The following MYO7B variants were observed in gnomAD, a reference collection of about 807,000 sequenced individuals.
The protein encoded by MYO7B is unconventional myosin-VIIb.
In MYO7B, 212 loss-of-function variants were observed where a neutral mutation model predicts 259.7. That is an observed-to-expected ratio of 0.82 (90% confidence interval 0.73 to 0.91). The LOEUF (loss-of-function observed/expected upper bound fraction) is 0.91. Ranked by LOEUF, MYO7B falls within the 40% of genes least tolerant of loss-of-function variation. The pLI is 0.00. For missense variants in MYO7B, 2,732 were observed against 2,813.5 expected, an observed-to-expected ratio of 0.97 and a Z score of 0.66; for synonymous variants, 1,197 against 1,166.4, an observed-to-expected ratio of 1.03 and a Z score of -0.54.
intron 1 of MYO7B, among the ~76,000 whole-genome samples, chr2:127,547,553 A>T (rs1202868316): frequency 6.6e-6 from 1 of 152,248 alleles, no homozygotes; most frequent in Non-Finnish European, 1.5e-5. Flanking sequence ...TAGGCAGGCT[A>T]TGATGCTGAA....
chr2:127,598,349 C>T (rs368181840), intron 19 of MYO7B, among the ~76,000 whole-genome samples: 123 of 152,322 alleles, frequency 8.1e-4, no homozygotes, highest in Middle Eastern at 3.4e-3. Flanking sequence ...TACCATTTCC[C>T]GATGTGGAAC....
intron 39 of MYO7B, 88 bp downstream of exon 39, chr2:127,632,489 A>C: frequency 2.8e-6 from 4 of 1,446,470 alleles, no homozygotes; most frequent in Non-Finnish European, 2.8e-6. Context: ...CCAGGAGCTC[A>C]TGGTCCTGGG....
intron 19 of MYO7B, among the ~76,000 whole-genome samples, chr2:127,603,930 G>A (rs1371989282): frequency 1.3e-5 from 2 of 152,080 alleles, no homozygotes; most frequent in Non-Finnish European, 2.9e-5. Flanking sequence ...TCAGCAGTTC[G>A]AGACCAGCCT....
At chr2:127,563,703 G>T (rs889743382) in intron 2 of MYO7B, among the ~76,000 whole-genome samples, 7 of 152,144 alleles carry the variant, frequency 4.6e-5, no homozygotes, top group African/African-American at 1.7e-4. Flanking sequence ...CACCTTTTCA[G>T]CTTCCTCCTG....
intron 40 of MYO7B, 25 bp downstream of exon 40, chr2:127,633,388 G>A (rs376432959): frequency 4.1e-5 from 66 of 1,607,270 alleles, no homozygotes; most frequent in Admixed American, 6.7e-5. Context: ...TGGTCTGCAC[G>A]GCAAGTCTCA....
intron 12 of MYO7B, 112 bp downstream of exon 12, chr2:127,582,558 G>A (rs1199210447): frequency 1.1e-5 from 14 of 1,294,398 alleles, no homozygotes; most frequent in South Asian, 5.7e-5. Flanking sequence ...CAGGCCTGGC[G>A]AGTCCCACCA....
intron 30 of MYO7B, among the ~76,000 whole-genome samples, chr2:127,625,016 C>T (rs1313496918): frequency 6.6e-6 from 1 of 152,190 alleles, no homozygotes; most frequent in African/African-American, 2.4e-5. Flanking sequence ...AGCTGGGCCC[C>T]AGCAGAAACT....
intron 1 of MYO7B, among the ~76,000 whole-genome samples, chr2:127,542,890 C>G (rs1412260721): frequency 6.6e-6 from 1 of 152,190 alleles, no homozygotes; most frequent in African/African-American, 2.4e-5. Context: ...AGGTGCTGTG[C>G]TTTAATGTGC....
intron 19 of MYO7B, among the ~76,000 whole-genome samples, chr2:127,599,087 A>G (rs1291995805): frequency 6.6e-6 from 1 of 152,230 alleles, no homozygotes; most frequent in Admixed American, 6.5e-5. Flanking sequence ...AATTTTGTCT[A>G]TATCTACAAA....
Position 127,629,798 on chromosome 2 carries a change from C to A in MYO7B, c.4778C>A (p.Thr1593Lys), listed in dbSNP as rs201869717. The A allele has an allele frequency of 1.6e-5, 25 of 1,584,844 alleles. No homozygotes were observed. The African/African-American group carries it at 3.0e-4, about 19-fold the overall frequency. The change falls in exon 35 of 48, where the codon ACG (threonine) becomes AAG (lysine). Residue 1593 changes from threonine to lysine, a missense_variant. Thr to Lys is a moderately conservative substitution (Grantham distance 78). Transcript: ENST00000409816. The stretch of plus-strand genomic sequence containing the variant: ...ATGGCCTGCCTCTACACCATCCCCA[C>A]GGTCACTAAGCCCTCGGCACAGCTG... ...VPMACLYTIPTVTKPSAQLLS... is the reference protein window; with the variant it reads ...VPMACLYTIPKVTKPSAQLLS...
At chr2:127,574,576 C>T (rs1678787389) in intron 7 of MYO7B, among the ~76,000 whole-genome samples, 1 of 152,212 alleles carries the variant, frequency 6.6e-6, no homozygotes, top group African/African-American at 2.4e-5. Context: ...TTTCCATTCA[C>T]ATACATTTCT....
At chr2:127,547,236 T>C (rs1693268204) in intron 1 of MYO7B, among the ~76,000 whole-genome samples, 3 of 152,350 alleles carry the variant, frequency 2.0e-5, no homozygotes, top group Admixed American at 6.5e-5. Flanking sequence ...CTGACTAGTA[T>C]GAGTAAGTCA....
Position 127,576,665 on chromosome 2 carries a change from T to G in MYO7B, c.806T>G (p.Leu269Arg), listed in dbSNP as rs376494403. ...LMGVSAEDKQ[L>R]LSLGTPSEYH... Reference sequence around the variant, plus strand: ...GGGGTGAGTGCTGAGGACAAGCAGCTGCTGAGCCTGGGCACGCCCTCCGAG... The same window carrying G: ...GGGGTGAGTGCTGAGGACAAGCAGCGGCTGAGCCTGGGCACGCCCTCCGAG... Residue 269 changes from leucine (L) to arginine (R), a missense_variant, in exon 8 of 48, where the codon CTG (leucine) becomes CGG (arginine). Leu to Arg is a moderately radical substitution (Grantham distance 102). Around this residue, in one of 3 missense-constraint regions of MYO7B, gnomAD observed 1,906 missense variants for 2,026.4 expected, o/e 0.94. Transcript: ENST00000409816. The surrounding 1 kb of genome is among the most constrained non-coding windows in gnomAD (Gnocchi z 4.9). 27 of 1,612,274 alleles carry G rather than the reference T, an allele frequency of 1.7e-5. No individual in the cohort carries two copies. In the African/African-American group the frequency reaches 3.1e-4, roughly 18 times the overall value.
intron 5 of MYO7B, 97 bp from the exon 6 acceptor site, chr2:127,569,692 G>C: frequency 6.9e-7 from 1 of 1,452,704 alleles, no homozygotes; most frequent in Non-Finnish European, 9.3e-7. Context: ...CTGTCAGACT[G>C]GCTCAGAAAG....
chr2:127,578,529 C>G (rs1678975410), intron 9 of MYO7B, among the ~76,000 whole-genome samples: 1 of 152,176 alleles, frequency 6.6e-6, no homozygotes, highest in Non-Finnish European at 1.5e-5. Flanking sequence ...AGCTGGGACC[C>G]AAAAGGGCTT....
chr2:127,542,518 C>A (rs942859216), intron 1 of MYO7B, among the ~76,000 whole-genome samples: 2 of 152,174 alleles, frequency 1.3e-5, no homozygotes, highest in African/African-American at 4.8e-5. Flanking sequence ...GCTCAGATAT[C>A]CCAGACAACC....
Position 127,604,123 on chromosome 2 carries a change from C to T in MYO7B, c.2340-1721C>T, listed in dbSNP as rs527298220. Among the ~76,000 whole-genome samples, 27 of 152,174 alleles carry T rather than the reference C, an allele frequency of 1.8e-4. No individual in the cohort carries two copies. In the South Asian group the frequency reaches 5.6e-3, roughly 32 times the overall value. ...ACTCCAGCCTGGGCGACAGAGGGAG[C>T]CTCCATCTCAAAAAAAAGAAAGAAA... is the stretch of plus-strand genomic sequence containing the variant. On this transcript the variant is annotated intron_variant, in intron 19 of 47. Coordinates refer to ENST00000409816, the MANE Select transcript of MYO7B (RefSeq NM_001393586.1).
At position 127,609,581 on chromosome 2, in the gene MYO7B, G is replaced by T. The variant is rs1166963797; in HGVS notation, c.2890G>T (p.Asp964Tyr). 6.2e-7 allele frequency: 1 copy of T among 1,613,996 alleles called. No homozygotes were observed. Among genetic ancestry groups the T allele is most frequent in the South Asian group, 1.1e-5 (1 of 91,070 alleles). Residue 964 changes from aspartate to tyrosine, a missense_variant, in exon 23 of 48, where the codon GAT (aspartate) becomes TAT (tyrosine). Transcript: ENST00000409816. This position sits in a 1 kb window ranked among gnomAD's most constrained non-coding sequence, Gnocchi z 6.9. ...CCCCATGGCGGAGGAGCCTGAGGAG[G>T]ATGTGGATGGCCTGGCCGAGTACAC... ...TVPMAEEPEE[D>Y]VDGLAEYTFP...
chr2:127,624,387 C>A (rs1267074409), intron 30 of MYO7B, 67 bp downstream of exon 30: 4 of 1,438,356 alleles, frequency 2.8e-6, no homozygotes, highest in Admixed American at 2.1e-5. Flanking sequence ...AGAGGAGGCA[C>A]CCAACTGGCT....
Sources: gnomAD v4.1 joint callset for allele counts (sites outside exome capture counted in the v4.1 genomes callset) on GRCh38, gnomAD v4.1.1 for gene constraint, gnomAD v4.1.1 regional missense constraint, Gnocchi (gnomAD v3.1) non-coding constraint, MANE v1.5 for transcripts, NCBI Gene and HGNC (gene_info 2026-07-23, HGNC 2026-07-21) for gene names.